WBP2NL: variants seen among roughly 807,000 people sequenced by gnomAD.
WBP2NL encodes the protein postacrosomal sheath WW domain-binding protein.
WBP2NL carries 27 observed loss-of-function variants against 23.3 expected under a neutral mutation model. The ratio of observed to expected loss-of-function variants is 1.16; its 90% CI spans 0.85 to 1.60. The LOEUF is 1.60. WBP2NL is among the 40% of genes most tolerant of loss of function. The pLI, the probability that WBP2NL is intolerant of heterozygous loss-of-function variation, is 0.00. For synonymous variants in WBP2NL, 151 were observed against 145.9 expected (o/e 1.03, Z -0.25); for missense variants, 370 against 389.5 (o/e 0.95, Z 0.42).
chr22:42,049,976 C>CA (rs34787117), intron 8 of WBP2NL, among the ~76,000 whole-genome samples: 926 of 83,570 alleles, frequency 0.011, 10 homozygotes, highest in East Asian at 0.025. Flanking sequence ...GACTCCGTCT[C>CA]AAAAAAAAAA....
intron 8 of WBP2NL, among the ~76,000 whole-genome samples, chr22:42,051,504 A>G (rs1925836805): frequency 6.6e-6 from 1 of 152,224 alleles, no homozygotes; most frequent in African/African-American, 2.4e-5. Flanking sequence ...CCCTAATGTA[A>G]ATTATGAACG....
At position 42,052,718 on chromosome 22, in the gene WBP2NL, TGCCTTGGCA is replaced by T. The variant is rs551533836; in HGVS notation, c.*274-5568_*274-5560del. ...CAATGTGTCTTTGGCCTGTGCATAT[TGCCTTGGCA>T]GCCCCTCCCAATGGTCACTGAGTCC... On this transcript the variant is annotated intron_variant and NMD_transcript_variant, in intron 8 of 8. Coordinates refer to the WBP2NL transcript ENST00000436265. Among the ~76,000 whole-genome samples, 58 of 152,346 alleles carry T rather than the reference TGCCTTGGCA, an allele frequency of 3.8e-4. No individual in the cohort carries two copies. The East Asian group carries it at 9.8e-3, about 26-fold the overall frequency.
chr22:41,998,799 G>A lies in WBP2NL; in HGVS notation c.-20G>A. 1 of 1,605,778 alleles carries A rather than the reference G, an allele frequency of 6.2e-7. No homozygotes were observed. Among genetic ancestry groups the A allele is most frequent in the African/African-American group, 1.3e-5 (1 of 74,684 alleles). ...TCCCGCCCCTTTCCATCTACGGGGCGGCAGGAGGCCCGAAGCAAGATGGCG... is the reference window on the plus strand; with the variant it reads ...TCCCGCCCCTTTCCATCTACGGGGCAGCAGGAGGCCCGAAGCAAGATGGCG... On this transcript the variant is annotated 5_prime_UTR_variant, in exon 1 of 6. Transcript: ENST00000328823.
chr22:42,036,189 C>G (rs1190848187), downstream of WBP2NL, among the ~76,000 whole-genome samples: 2 of 145,158 alleles, frequency 1.4e-5, no homozygotes, highest in Non-Finnish European at 3.0e-5. Flanking sequence ...TTTTTTTTTT[C>G]TTTGAGACCA....
intron 1 of WBP2NL, among the ~76,000 whole-genome samples, chr22:42,012,123 C>G (rs1312890465): frequency 6.6e-6 from 1 of 152,124 alleles, no homozygotes; most frequent in African/African-American, 2.4e-5. Context: ...TTAGTTGAGA[C>G]TTCTCTCTTT....
At chr22:42,001,873 C>G in intron 1 of WBP2NL, 1 of 1,490,640 alleles carries the variant, frequency 6.7e-7, no homozygotes, top group Non-Finnish European at 9.0e-7. Context: ...AGCAGCTTGA[C>G]CCGCTCGATG....
At chr22:42,000,772 C>CAA (rs56318914) in intron 1 of WBP2NL, among the ~76,000 whole-genome samples, 1,606 of 133,220 alleles carry the variant, frequency 0.012, 13 homozygotes, top group African/African-American at 0.03. Flanking sequence ...ACTAAAAATA[C>CAA]AAAAAAAAAA....
intron 1 of WBP2NL, among the ~76,000 whole-genome samples, chr22:42,008,813 C>T (rs1922540447): frequency 6.7e-6 from 1 of 149,838 alleles, no homozygotes; most frequent in Admixed American, 6.7e-5. Flanking sequence ...GAGTCTCGCT[C>T]TGTTGCCCAG....
chr22:42,001,669 C>T lies in WBP2NL; in HGVS notation c.62+2789C>T, dbSNP rs754171728. Reference sequence around the variant, plus strand: ...ACTGGGATCTCTTGTCCACACCATCCAGGAAGATCTGCTTGTATTTATCTT... The same window carrying T: ...ACTGGGATCTCTTGTCCACACCATCTAGGAAGATCTGCTTGTATTTATCTT... On this transcript the variant is annotated intron_variant, in intron 1 of 5. Transcript: ENST00000328823. 8 of 1,205,964 alleles carry T rather than the reference C, an allele frequency of 6.6e-6. No individual in the cohort carries two copies. In the South Asian group the frequency reaches 7.3e-5, roughly 11 times the overall value. The allele number at this position is 1,205,964 out of a possible 1,614,324, so 74.7% of individuals were successfully genotyped here. A position where few individuals can be genotyped will look rare whatever the true frequency, so the allele number is the denominator to read the frequency against.
chr22:42,054,714 G>GT (rs1488846183), intron 8 of WBP2NL, among the ~76,000 whole-genome samples: 1 of 135,166 alleles, frequency 7.4e-6, no homozygotes, highest in South Asian at 2.2e-4. Flanking sequence ...TAGTACCTTT[G>GT]TAAAAAAAAA....
At chr22:42,044,400 G>A (rs1350879601) in intron 8 of WBP2NL, among the ~76,000 whole-genome samples, 2 of 152,016 alleles carry the variant, frequency 1.3e-5, no homozygotes, top group African/African-American at 4.8e-5. Context: ...GCCCCACTGG[G>A]GATTCAGTTT....
At chr22:42,022,223 CTATT>C (rs1924046166) in intron 4 of WBP2NL, 22 bp from the exon 5 acceptor site, 2 of 1,602,738 alleles carry the variant, frequency 1.2e-6, no homozygotes, top group Non-Finnish European at 1.7e-6. Context: ...AAAAGAGTTC[CTATT>C]TTGCCAAATT....
chr22:42,001,814 G>C (rs1232702472), intron 1 of WBP2NL: 1 of 1,265,752 alleles, frequency 7.9e-7, no homozygotes, highest in African/African-American at 1.5e-5. Context: ...TAATGCCCTT[G>C]TATTGCTTAT....
chr22:42,047,463 G>A (rs1925636971), intron 8 of WBP2NL, among the ~76,000 whole-genome samples: 1 of 151,132 alleles, frequency 6.6e-6, no homozygotes, highest in Non-Finnish European at 1.5e-5. Context: ...TGTGTCGGGT[G>A]CCTGTAATCC....
At chr22:42,016,695 CCA>C (rs1156467817) in intron 1 of WBP2NL, among the ~76,000 whole-genome samples, 5 of 152,160 alleles carry the variant, frequency 3.3e-5, no homozygotes, top group East Asian at 1.9e-4. Context: ...GATTCCCATT[CCA>C]CAGTTTTTTG....
chr22:42,018,716 G>A (rs1895060319), intron 1 of WBP2NL, among the ~76,000 whole-genome samples: 1 of 152,082 alleles, frequency 6.6e-6, no homozygotes, highest in South Asian at 2.1e-4. Context: ...TACCGCACAA[G>A]AAGTATAAGA....
intron 1 of WBP2NL, among the ~76,000 whole-genome samples, chr22:42,008,232 A>G (rs984951671): frequency 8.4e-6 from 1 of 119,710 alleles, no homozygotes; most frequent in African/African-American, 3.3e-5. Flanking sequence ...TTTTTTTGAC[A>G]GAGTCTCACT....
At chr22:42,001,579 A>C in intron 1 of WBP2NL, 1 of 1,135,900 alleles carries the variant, frequency 8.8e-7, no homozygotes, top group Non-Finnish European at 1.3e-6. Flanking sequence ...GAGGGTACAC[A>C]AAACACAAGG....
intron 1 of WBP2NL, chr22:42,002,743 ACTC>A (rs1387502469): frequency 6.6e-6 from 1 of 151,908 alleles, no homozygotes; most frequent in Non-Finnish European, 1.5e-5. Context: ...CTGTGCATAA[ACTC>A]CTGTACTCCA....
Sources: gnomAD v4.1 joint callset for allele counts (sites outside exome capture counted in the v4.1 genomes callset) on GRCh38, gnomAD v4.1.1 for gene constraint, MANE v1.5 for transcripts, NCBI Gene and HGNC (gene_info 2026-07-23, HGNC 2026-07-21) for gene names.